The following TUSC3 variants were observed in gnomAD, a reference collection of about 807,000 sequenced individuals.
TUSC3 encodes the protein tumor suppressor candidate 3, also known as dolichyl-diphosphooligosaccharide--protein glycosyltransferase subunit TUSC3.
TUSC3 carries 45 observed loss-of-function variants against 44.8 expected under a neutral mutation model. The observed-to-expected ratio is 1.00, with a 90% confidence interval of 0.79 to 1.29. The LOEUF (loss-of-function observed/expected upper bound fraction) is 1.29, where lower values mean the gene tolerates loss of function less well. TUSC3 is among the 50% of genes most tolerant of loss of function. TUSC3 has a pLI of 0.00. For synonymous variants in TUSC3, 212 were observed against 152.9 expected, an observed-to-expected ratio of 1.39 and a Z score of -2.85; for missense variants, 519 against 437.9, an observed-to-expected ratio of 1.19 and a Z score of -1.65.
chr8:15,748,897 A>G (rs113492715), intron 9 of TUSC3: 3 of 382,070 alleles, frequency 7.9e-6, no homozygotes, highest in Non-Finnish European at 1.5e-5. Flanking sequence ...TGAAAGGGAA[A>G]AGTTAAGTAA....
chr8:15,659,577 T>G lies in TUSC3; in HGVS notation c.497T>G (p.Phe166Cys). ...PKGRPKRADT[F>C]DLQRIGFAAE... ...GGCAGACCTAAGAGAGCTGATACTT[T>G]TGACCTCCAAAGAATTGGATTTGCA... Residue 166 changes from phenylalanine (F) to cysteine (C), a missense_variant, in exon 4 of 11, where the codon TTT becomes TGT. By Grantham distance (205) the Phe-to-Cys change is radical (BLOSUM62 -2). Coordinates refer to ENST00000503731, the MANE Select transcript of TUSC3 (RefSeq NM_006765.4). The G allele has an allele frequency of 1.2e-6, 2 of 1,613,548 alleles. No individual in the cohort carries two copies. The highest frequency in any genetic ancestry group is 1.7e-6 in the Non-Finnish European group (2 of 1,179,712).
chr8:15,829,598 T>C, the TUSC3 span, among the ~76,000 whole-genome samples: 1 of 152,144 alleles, frequency 6.6e-6, no homozygotes, highest in Non-Finnish European at 1.5e-5. Context: ...GATTTTGCTA[T>C]GCAAAATTTT....
intron 2 of TUSC3, among the ~76,000 whole-genome samples, chr8:15,646,266 G>A (rs995154771): frequency 9.2e-5 from 14 of 152,080 alleles, no homozygotes; most frequent in African/African-American, 3.4e-4. Flanking sequence ...TAGTATGTTC[G>A]TGAAACACAG....
chr8:15,585,841 C>T (rs753576938), intron 1 of TUSC3, among the ~76,000 whole-genome samples: 11 of 152,142 alleles, frequency 7.2e-5, no homozygotes, highest in Non-Finnish European at 1.6e-4. Context: ...TAACTGCCTG[C>T]GTGAGCGTGA....
At chr8:15,646,662 G>T (rs186351171) in intron 2 of TUSC3, among the ~76,000 whole-genome samples, 2 of 151,866 alleles carry the variant, frequency 1.3e-5, no homozygotes, top group African/African-American at 4.8e-5. Context: ...ACAATGTTAT[G>T]TGCTTCTTGT....
At chr8:15,713,547 G>C (rs1809942806) in intron 6 of TUSC3, among the ~76,000 whole-genome samples, 2 of 152,110 alleles carry the variant, frequency 1.3e-5, no homozygotes, top group Admixed American at 6.6e-5. Context: ...TCCAACAACA[G>C]AAAATGTATT....
chr8:15,421,288 C>G (rs1447043840), intron 1 of TUSC3, among the ~76,000 whole-genome samples: 2 of 152,196 alleles, frequency 1.3e-5, no homozygotes, highest in Admixed American at 1.3e-4. Context: ...CAGGCCCTAT[C>G]ACATCCGACT....
At chr8:15,464,283 T>C (rs1800386933) in intron 1 of TUSC3, among the ~76,000 whole-genome samples, 1 of 152,110 alleles carries the variant, frequency 6.6e-6, no homozygotes, top group Non-Finnish European at 1.5e-5. Flanking sequence ...ACTCCAAGAA[T>C]GAAACAAGGA....
chr8:15,631,503 C>A lies in TUSC3; in HGVS notation c.308+8254C>A, dbSNP rs536266373. ...AGTGGACACCTGTGCTACCCTTTAC[C>A]AAAATTCACTAATTAGTAATGTTTT... On this transcript the variant is annotated intron_variant, in intron 2 of 10. Coordinates refer to ENST00000503731, the MANE Select transcript of TUSC3 (RefSeq NM_006765.4). 1.7e-4 allele frequency among the ~76,000 whole-genome samples: 26 copies of A among 152,190 alleles called. No homozygotes were observed. In the South Asian group the frequency reaches 5.2e-3, roughly 30 times the overall value.
At chr8:15,850,045 C>T in the TUSC3 span, among the ~76,000 whole-genome samples, 1 of 152,040 alleles carries the variant, frequency 6.6e-6, no homozygotes, top group Admixed American at 6.6e-5. Context: ...CCTATTTCTA[C>T]ACCTGCTATC....
At chr8:15,776,933 CA>C in the TUSC3 span, among the ~76,000 whole-genome samples, 98,432 of 150,800 alleles carry the variant, frequency 0.65, 32,917 homozygotes, top group African/African-American at 0.79. Context: ...TGTGTTCATT[CA>C]AAAAAAAAAT....
chr8:15,503,209 A>G (rs2132128), intron 2 of TUSC3, among the ~76,000 whole-genome samples: 17,318 of 152,172 alleles, frequency 0.11, 1,120 homozygotes, highest in Middle Eastern at 0.18. Context: ...GTGGACACAA[A>G]TACATACAGA....
intron 7 of TUSC3, among the ~76,000 whole-genome samples, chr8:15,733,892 A>G (rs1458756343): frequency 6.6e-6 from 1 of 152,082 alleles, no homozygotes; most frequent in Non-Finnish European, 1.5e-5. Context: ...AAAAATTACA[A>G]AATTAGCCAG....
At chr8:15,693,289 G>C (rs958023159) in intron 6 of TUSC3, among the ~76,000 whole-genome samples, 9 of 152,062 alleles carry the variant, frequency 5.9e-5, no homozygotes, top group Non-Finnish European at 8.8e-5. Context: ...ATAGTGGCCA[G>C]TAACAGTCTT....
intron 1 of TUSC3, among the ~76,000 whole-genome samples, chr8:15,619,906 A>G (rs1244795108): frequency 1.3e-5 from 2 of 152,174 alleles, no homozygotes; most frequent in Non-Finnish European, 1.5e-5. Flanking sequence ...AGAAAGAGAG[A>G]GCATTCAGAA....
the TUSC3 span, among the ~76,000 whole-genome samples, chr8:15,799,528 G>A: frequency 6.6e-6 from 1 of 152,140 alleles, no homozygotes; most frequent in Admixed American, 6.6e-5. Context: ...CCTGCTTCCT[G>A]GTATTGTCAG....
chr8:15,771,797 AAAG>A, the TUSC3 span, among the ~76,000 whole-genome samples: 2 of 152,118 alleles, frequency 1.3e-5, no homozygotes, highest in African/African-American at 2.4e-5. Context: ...GTATTAAAAA[AAAG>A]AAGAAAGGCC....
chr8:15,829,629 A>G, the TUSC3 span, among the ~76,000 whole-genome samples: 2 of 152,094 alleles, frequency 1.3e-5, no homozygotes, highest in Non-Finnish European at 2.9e-5. Context: ...TAGTTTATCA[A>G]TCTTTTCTTT....
chr8:15,820,806 T>C, the TUSC3 span, among the ~76,000 whole-genome samples: 177 of 152,336 alleles, frequency 1.2e-3, no homozygotes, highest in African/African-American at 4.0e-3. Context: ...AGGCTTTAGA[T>C]AACAAATTCA....
Sources: gnomAD v4.1 joint callset for allele counts (sites outside exome capture counted in the v4.1 genomes callset) on GRCh38, gnomAD v4.1.1 for gene constraint, MANE v1.5 for transcripts, NCBI Gene and HGNC (gene_info 2026-07-23, HGNC 2026-07-21) for gene names.